The following SAXO1 variants were observed in gnomAD, a reference collection of about 807,000 sequenced individuals.
SAXO1 encodes the protein 4930500O09Rik.
SAXO1 carries 21 observed loss-of-function variants against 17.5 expected under a neutral mutation model. The observed-to-expected ratio is 1.20, with a 90% CI of 0.85 to 1.72. The LOEUF (loss-of-function observed/expected upper bound fraction) is 1.72. Among genes scored for constraint, SAXO1 ranks in the 40% most tolerant of loss-of-function variants. The probability of loss-of-function intolerance (pLI) is 0.00; values close to 1 mark genes in which losing one functional copy is unlikely to be tolerated. For missense variants in SAXO1, 843 were observed against 596.0 expected, an observed-to-expected ratio of 1.41 and a Z score of -4.32; for synonymous variants, 274 against 216.5, an observed-to-expected ratio of 1.27 and a Z score of -2.33.
chr9:18,979,188 GAGAT>G lies in SAXO1; in HGVS notation c.39-28255_39-28252del, dbSNP rs371590211. Among the ~76,000 whole-genome samples the G allele has an allele frequency of 6.3e-3, 962 of 152,276 alleles. 5 individuals are homozygous for G. The highest frequency in any genetic ancestry group is 0.031 in the Middle Eastern group (9 of 294). ...AGACAATATGAAAAAACCCAAGATT[GAGAT>G]AGACTTGCAGCCTCCCCTCACAAAT... On this transcript the variant is annotated intron_variant, in intron 1 of 3. Transcript: ENST00000380534.
At chr9:19,014,979 G>A (rs770613771) in intron 1 of SAXO1, among the ~76,000 whole-genome samples, 1 of 152,084 alleles carries the variant, frequency 6.6e-6, no homozygotes. Flanking sequence ...GAGAGTAAAC[G>A]ATCCTTTCCT....
rs537328919 is a variant in SAXO1 at position 18,976,887 on chromosome 9, C to T, written c.39-25950G>A. On this transcript the variant is annotated intron_variant, in intron 1 of 3. Transcript: ENST00000380534. ...CCTCCAGCTACACCAAGTGAAAGTC[C>T]TCAAGTTTCATCAGGAACGACCCCA... Among the ~76,000 whole-genome samples, 7 of 152,350 alleles carry T rather than the reference C, an allele frequency of 4.6e-5. No individual in the cohort carries two copies. The South Asian group carries it at 6.2e-4, about 14-fold the overall frequency.
intron 1 of SAXO1, among the ~76,000 whole-genome samples, chr9:18,963,750 T>C (rs957587226): frequency 8.5e-5 from 13 of 152,198 alleles, no homozygotes; most frequent in Admixed American, 8.5e-4. Context: ...AGAGACAATT[T>C]GACTTCCTCT....
At chr9:18,983,730 CA>C (rs1833485352) in intron 1 of SAXO1, among the ~76,000 whole-genome samples, 1 of 152,150 alleles carries the variant, frequency 6.6e-6, no homozygotes, top group Non-Finnish European at 1.5e-5. Context: ...CAAAGTCATC[CA>C]AAAGGGTTGA....
At chr9:19,000,142 G>A (rs1421680838) in intron 1 of SAXO1, among the ~76,000 whole-genome samples, 2 of 151,696 alleles carry the variant, frequency 1.3e-5, no homozygotes, top group African/African-American at 4.9e-5. Flanking sequence ...CCCACTGTCT[G>A]GGAAGTGAGG....
chr9:18,989,155 T>C (rs1833705648), intron 1 of SAXO1, among the ~76,000 whole-genome samples: 1 of 152,184 alleles, frequency 6.6e-6, no homozygotes, highest in Non-Finnish European at 1.5e-5. Flanking sequence ...CCACCTCCTT[T>C]TAATGGCATC....
At chr9:19,022,364 G>C (rs1835279433) in intron 1 of SAXO1, among the ~76,000 whole-genome samples, 1 of 152,224 alleles carries the variant, frequency 6.6e-6, no homozygotes, top group Admixed American at 6.5e-5. Flanking sequence ...TGAAGTGAGT[G>C]AGACCAAGAA....
intron 1 of SAXO1, chr9:19,027,616 TG>T (rs1835549802): frequency 2.1e-6 from 3 of 1,435,278 alleles, no homozygotes; most frequent in Non-Finnish European, 2.9e-6. Flanking sequence ...AGATGTTCAC[TG>T]GAGATGGTGC....
chr9:18,979,569 C>T (rs1425358378), intron 1 of SAXO1, among the ~76,000 whole-genome samples: 1 of 152,176 alleles, frequency 6.6e-6, no homozygotes, highest in Non-Finnish European at 1.5e-5. Flanking sequence ...GAAAGTCACA[C>T]CAGGAAGGGC....
At chr9:19,003,900 T>C (rs1346120145) in intron 1 of SAXO1, among the ~76,000 whole-genome samples, 1 of 152,182 alleles carries the variant, frequency 6.6e-6, no homozygotes, top group East Asian at 1.9e-4. Context: ...AAATGGGACC[T>C]AATTAAACTA....
intron 1 of SAXO1, among the ~76,000 whole-genome samples, chr9:18,982,350 TA>T (rs1457955073): frequency 6.6e-6 from 1 of 152,102 alleles, no homozygotes; most frequent in East Asian, 1.9e-4. Flanking sequence ...TATTGGGTAA[TA>T]AAATTCCCTC....
At chr9:19,002,371 G>A (rs1019509134) in intron 1 of SAXO1, among the ~76,000 whole-genome samples, 8 of 152,122 alleles carry the variant, frequency 5.3e-5, no homozygotes, top group African/African-American at 1.9e-4. Context: ...AGAAAAAGAG[G>A]GACTCCTCTC....
At position 19,032,897 on chromosome 9, in the gene SAXO1, C is replaced by G; in HGVS notation, c.12G>C (p.Lys4Asn). ...CGCAGGAGCACAGTTCACAGATGCA[C>G]TTCGTCTTCATAGGGGCGATCCTGA... is the stretch of plus-strand genomic sequence containing the variant. MKT[K>N]CICELCSCGR... The change falls in exon 1 of 4, where the codon AAG becomes AAC. Residue 4 changes from lysine to asparagine, a missense_variant. Transcript: ENST00000380534. 1.2e-6 allele frequency: 2 copies of G among 1,610,738 alleles called. No individual in the cohort carries two copies. The highest frequency in any genetic ancestry group is 1.1e-5 in the South Asian group (1 of 90,834).
chr9:18,982,050 C>G (rs1209025274), intron 1 of SAXO1, among the ~76,000 whole-genome samples: 1 of 152,184 alleles, frequency 6.6e-6, no homozygotes, highest in Non-Finnish European at 1.5e-5. Context: ...TTGACAGCCC[C>G]TCACATGCTT....
chr9:19,018,104 G>C (rs1054025945), intron 1 of SAXO1, among the ~76,000 whole-genome samples: 5 of 151,410 alleles, frequency 3.3e-5, no homozygotes, highest in African/African-American at 9.7e-5. Flanking sequence ...AGAGTTTGAG[G>C]TTGCTGTGAG....
chr9:19,013,750 T>C (rs1269340698), intron 1 of SAXO1, among the ~76,000 whole-genome samples: 1 of 152,066 alleles, frequency 6.6e-6, no homozygotes, highest in African/African-American at 2.4e-5. Context: ...TTTCACCATG[T>C]TGGCCAGGCT....
At chr9:19,041,281 G>C (rs997944676) in intron 1 of SAXO1, among the ~76,000 whole-genome samples, 9 of 151,596 alleles carry the variant, frequency 5.9e-5, no homozygotes, top group Non-Finnish European at 1.5e-5. Flanking sequence ...AAACACTGAT[G>C]AAAGAAACAG....
chr9:18,950,356 A>G (rs1190757385), intron 2 of SAXO1, among the ~76,000 whole-genome samples: 6 of 152,214 alleles, frequency 3.9e-5, no homozygotes, highest in African/African-American at 1.4e-4. Context: ...CCCTTTCACC[A>G]CCACCACCAC....
At chr9:19,003,191 G>A (rs568981424) in intron 1 of SAXO1, among the ~76,000 whole-genome samples, 1 of 152,270 alleles carries the variant, frequency 6.6e-6, no homozygotes, top group South Asian at 2.1e-4. Context: ...TACAAGGGAT[G>A]TAAAGGACCT....
Sources: gnomAD v4.1 joint callset for allele counts (sites outside exome capture counted in the v4.1 genomes callset) on GRCh38, gnomAD v4.1.1 for gene constraint, MANE v1.5 for transcripts, NCBI Gene and HGNC (gene_info 2026-07-23, HGNC 2026-07-21) for gene names.